Variants in CBL observed in about 807,000 individuals in gnomAD.
CBL encodes the protein Cbl proto-oncogene.
In CBL, 45 loss-of-function variants were observed where a neutral mutation model predicts 96.9. The observed-to-expected ratio is 0.46, with a 90% CI of 0.37 to 0.60. CBL has a LOEUF of 0.60. Among genes scored for constraint, CBL ranks in the 20% least tolerant of loss-of-function variants. The probability of loss-of-function intolerance (pLI) is 0.00; values close to 1 mark genes in which losing one functional copy is unlikely to be tolerated. For missense variants in CBL, 1,024 were observed against 1,143.5 expected (o/e 0.90, Z 1.51); for synonymous variants, 420 against 426.8 (o/e 0.98, Z 0.20).
At chr11:119,241,019 C>T (rs993471849) in intron 2 of CBL, among the ~76,000 whole-genome samples, 3 of 151,704 alleles carry the variant, frequency 2.0e-5, no homozygotes, top group Non-Finnish European at 4.4e-5. Flanking sequence ...GTTGCAGAGC[C>T]GAGATTGTGC....
At chr11:119,273,440 T>C (rs983438828) in intron 3 of CBL, among the ~76,000 whole-genome samples, 3 of 152,180 alleles carry the variant, frequency 2.0e-5, no homozygotes, top group Non-Finnish European at 2.9e-5. Flanking sequence ...CTTTTCTTGT[T>C]TTGCAGCAAG....
Position 119,259,897 on chromosome 11 carries a change from C to T in CBL, c.444-11838C>T, listed in dbSNP as rs557443956. ...GTAATATTGTTCTTTTGTATCCTTCCGATTCTATCTCACTTACCTCCACAC... is the reference window on the plus strand; with the variant it reads ...GTAATATTGTTCTTTTGTATCCTTCTGATTCTATCTCACTTACCTCCACAC... On this transcript the variant is annotated intron_variant, in intron 2 of 15. Transcript: ENST00000264033. 5.3e-5 allele frequency among the ~76,000 whole-genome samples: 8 copies of T among 152,210 alleles called. No individual in the cohort carries two copies. The South Asian group carries it at 1.0e-3, about 20-fold the overall frequency.
intron 1 of CBL, among the ~76,000 whole-genome samples, chr11:119,208,081 TGTA>T (rs1351859934): frequency 2.6e-5 from 4 of 152,202 alleles, no homozygotes; most frequent in Admixed American, 2.6e-4. Context: ...ATATTGGTGG[TGTA>T]GTACTAATTT....
chr11:119,288,709 C>G (rs1424461399), intron 12 of CBL, among the ~76,000 whole-genome samples: 7 of 152,134 alleles, frequency 4.6e-5, no homozygotes, highest in African/African-American at 1.7e-4. Context: ...CCCTGTGGAA[C>G]CACATATATG....
At chr11:119,276,229 C>T (rs1313037513) in intron 6 of CBL, 95 bp downstream of exon 6, 4 of 1,253,558 alleles carry the variant, frequency 3.2e-6, no homozygotes, top group African/African-American at 1.5e-5. Context: ...TCTTAAACTG[C>T]AGACTAAGAT....
intron 2 of CBL, among the ~76,000 whole-genome samples, chr11:119,263,761 T>G (rs1357038354): frequency 1.3e-5 from 2 of 152,362 alleles, no homozygotes; most frequent in East Asian, 3.9e-4. Context: ...CCGTTGTATC[T>G]ATTTTTAAAG....
intron 11 of CBL, among the ~76,000 whole-genome samples, chr11:119,286,126 C>T (rs1297608001): frequency 1.3e-5 from 2 of 152,020 alleles, no homozygotes; most frequent in Non-Finnish European, 2.9e-5. Flanking sequence ...TGATGAAACC[C>T]CGTCTCTACT....
chr11:119,238,646 G>A (rs1232698579), intron 2 of CBL, among the ~76,000 whole-genome samples: 1 of 152,098 alleles, frequency 6.6e-6, no homozygotes, highest in East Asian at 1.9e-4. Flanking sequence ...CCTGGCCGGT[G>A]TGGTGAAATC....
At chr11:119,251,114 G>A (rs1379143474) in intron 2 of CBL, among the ~76,000 whole-genome samples, 1 of 152,070 alleles carries the variant, frequency 6.6e-6, no homozygotes, top group Non-Finnish European at 1.5e-5. Flanking sequence ...TATTTATCAT[G>A]TGCTTGCTGT....
Position 119,301,318 on chromosome 11 carries a change from A to G in CBL, c.*1537A>G, listed in dbSNP as rs757522309. ...AGAGAATTGAGGGTCCAGTTGGGAG[A>G]ACTATTAGTCAGTTCTTTTATATGC... is the stretch of plus-strand genomic sequence containing the variant. On this transcript the variant is annotated 3_prime_UTR_variant, in exon 16 of 16. Coordinates refer to ENST00000264033, the MANE Select transcript of CBL (RefSeq NM_005188.4). 8 of 233,086 alleles carry G rather than the reference A, an allele frequency of 3.4e-5. No individual in the cohort carries two copies. Among genetic ancestry groups the G allele is most frequent in the Non-Finnish European group, 6.8e-5 (8 of 118,038 alleles). 14.4% of individuals were successfully genotyped at this position (233,086 alleles called of 1,614,324 possible). A position where few individuals can be genotyped will look rare whatever the true frequency, so the allele number is the denominator to read the frequency against.
chr11:119,275,893 T>C (rs748264166), intron 5 of CBL, 104 bp from the exon 6 acceptor site: 96 of 1,095,510 alleles, frequency 8.8e-5, no homozygotes, highest in Middle Eastern at 2.5e-4. Flanking sequence ...AAGAAAGTTA[T>C]TGTTATTCTT....
At chr11:119,265,233 A>G (rs1339671598) in intron 2 of CBL, among the ~76,000 whole-genome samples, 1 of 152,190 alleles carries the variant, frequency 6.6e-6, no homozygotes, top group Non-Finnish European at 1.5e-5. Context: ...TTTAAATACC[A>G]TATAAACTTT....
At chr11:119,270,468 A>C in intron 2 of CBL, among the ~76,000 whole-genome samples, 3 of 45,398 alleles carry the variant, frequency 6.6e-5, no homozygotes, top group Non-Finnish European at 8.9e-5. Context: ...TTTTTTTGAG[A>C]CGGAGTCTCG....
At chr11:119,252,858 G>C (rs1182646148) in intron 2 of CBL, among the ~76,000 whole-genome samples, 1 of 148,110 alleles carries the variant, frequency 6.8e-6, no homozygotes, top group Non-Finnish European at 1.5e-5. Context: ...TCTAGCCTGG[G>C]CAGTAAAAGT....
intron 1 of CBL, among the ~76,000 whole-genome samples, chr11:119,215,599 G>T (rs1949353659): frequency 6.6e-6 from 1 of 151,826 alleles, no homozygotes; most frequent in African/African-American, 2.4e-5. Context: ...CCGCCCGGGA[G>T]GGTGGAGGTT....
Position 119,294,437 on chromosome 11 carries a change from A to T in CBL, c.2037-2481A>T, listed in dbSNP as rs576355781. Among the ~76,000 whole-genome samples the T allele has an allele frequency of 2.0e-5, 3 of 151,786 alleles. 1 individual carries two copies. The South Asian group carries it at 6.2e-4, about 32-fold the overall frequency. Reference sequence around the variant, plus strand: ...GAGTCTCCGTCTCCAAAAAAAAAAAAAATTATTGCCTTTTTAATGGCCCTT... The same window carrying T: ...GAGTCTCCGTCTCCAAAAAAAAAAATAATTATTGCCTTTTTAATGGCCCTT... On this transcript the variant is annotated intron_variant, in intron 12 of 15. Transcript: ENST00000264033.
chr11:119,265,748 C>T (rs576311181), intron 2 of CBL, among the ~76,000 whole-genome samples: 5 of 152,138 alleles, frequency 3.3e-5, no homozygotes, highest in Admixed American at 2.0e-4. Context: ...TTAGGCCGGG[C>T]GCAGTGGCTC....
intron 1 of CBL, among the ~76,000 whole-genome samples, chr11:119,208,192 A>G (rs1321649395): frequency 6.6e-6 from 1 of 152,230 alleles, no homozygotes. Context: ...CATCGAAGAT[A>G]TTCAAATGCT....
At chr11:119,277,943 A>C (rs1949901871) in intron 7 of CBL, 99 bp downstream of exon 7, 2 of 959,408 alleles carry the variant, frequency 2.1e-6, no homozygotes, top group Admixed American at 3.7e-5. Flanking sequence ...GAACCCATTG[A>C]CTAGATTAGT....
Sources: gnomAD v4.1 joint callset for allele counts (sites outside exome capture counted in the v4.1 genomes callset) on GRCh38, gnomAD v4.1.1 for gene constraint, MANE v1.5 for transcripts, NCBI Gene and HGNC (gene_info 2026-07-23, HGNC 2026-07-21) for gene names.